GRIA1: variants seen among roughly 807,000 people sequenced by gnomAD.
GRIA1 encodes the protein glutamate receptor 1.
A neutral mutation model predicts 99.2 loss-of-function variants in GRIA1; 31 were observed. The ratio of observed to expected loss-of-function variants is 0.31; its 90% CI spans 0.23 to 0.42. GRIA1 has a LOEUF of 0.42. GRIA1 is among the 10% of genes least tolerant of loss of function. GRIA1 has a pLI of 1.00. For synonymous variants in GRIA1, 438 were observed against 432.4 expected, an observed-to-expected ratio of 1.01 and a Z score of -0.16; for missense variants, 782 against 1,157.5, an observed-to-expected ratio of 0.68 and a Z score of 4.71.
intron 2 of GRIA1, among the ~76,000 whole-genome samples, chr5:153,495,394 C>G (rs943722750): frequency 6.6e-6 from 1 of 152,086 alleles, no homozygotes; most frequent in Admixed American, 6.6e-5. Flanking sequence ...ATATAACTTG[C>G]CCAAGGTTAC....
At chr5:153,703,251 T>A (rs1453901588) in intron 10 of GRIA1, among the ~76,000 whole-genome samples, 2 of 152,206 alleles carry the variant, frequency 1.3e-5, no homozygotes, top group African/African-American at 4.8e-5. Context: ...GAATGACCCA[T>A]GGCCAAATAG....
At chr5:153,676,911 A>T in intron 6 of GRIA1, 83 bp from the exon 7 acceptor site, 1 of 1,174,670 alleles carries the variant, frequency 8.5e-7, no homozygotes, top group East Asian at 2.8e-5. Context: ...CATCACCAGA[A>T]AACACATTCC....
chr5:153,519,717 AC>A (rs1756963809), intron 2 of GRIA1, among the ~76,000 whole-genome samples: 1 of 152,180 alleles, frequency 6.6e-6, no homozygotes, highest in Non-Finnish European at 1.5e-5. Context: ...ACAGTCCTAG[AC>A]AAGGAAACAT....
At chr5:153,691,601 A>G (rs942278016) in intron 8 of GRIA1, among the ~76,000 whole-genome samples, 1 of 152,236 alleles carries the variant, frequency 6.6e-6, no homozygotes, top group Admixed American at 6.5e-5. Flanking sequence ...GTCCCAAAGA[A>G]TTTATAGCTT....
intron 2 of GRIA1, among the ~76,000 whole-genome samples, chr5:153,506,387 A>G (rs1755508384): frequency 6.6e-6 from 1 of 151,120 alleles, no homozygotes; most frequent in South Asian, 2.1e-4. Flanking sequence ...TCTTTCACAG[A>G]GGAGGAAAAT....
chr5:153,685,714 C>G (rs1383274253), intron 7 of GRIA1, among the ~76,000 whole-genome samples: 1 of 152,184 alleles, frequency 6.6e-6, no homozygotes, highest in Non-Finnish European at 1.5e-5. Context: ...ATTCCCTGGA[C>G]TCAGGAATAA....
At chr5:153,736,013 C>T (rs1219683649) in intron 11 of GRIA1, among the ~76,000 whole-genome samples, 1 of 152,114 alleles carries the variant, frequency 6.6e-6, no homozygotes, top group East Asian at 1.9e-4. Flanking sequence ...GACTGGACTT[C>T]AGTATTTTAG....
chr5:153,687,504 T>G (rs572242151), intron 8 of GRIA1, among the ~76,000 whole-genome samples: 1 of 152,202 alleles, frequency 6.6e-6, no homozygotes, highest in South Asian at 2.1e-4. Flanking sequence ...TCAGACTTAA[T>G]GCTCTCTATG....
intron 12 of GRIA1, 94 bp downstream of exon 12, chr5:153,764,726 C>CT: frequency 1.1e-6 from 1 of 888,774 alleles, no homozygotes; most frequent in Non-Finnish European, 1.8e-6. Context: ...AGATAACAGG[C>CT]AGCCAGAGCA....
chr5:153,587,425 C>T (rs781329456), intron 2 of GRIA1, among the ~76,000 whole-genome samples: 1 of 152,150 alleles, frequency 6.6e-6, no homozygotes, highest in Non-Finnish European at 1.5e-5. Context: ...AATAAATTAT[C>T]CAGTCTCAGG....
At chr5:153,615,694 G>A (rs1766432461) in intron 2 of GRIA1, among the ~76,000 whole-genome samples, 1 of 152,130 alleles carries the variant, frequency 6.6e-6, no homozygotes, top group Admixed American at 6.6e-5. Flanking sequence ...ACCATCACTG[G>A]GGAGTTGCTT....
intron 2 of GRIA1, among the ~76,000 whole-genome samples, chr5:153,574,152 G>A (rs1762345876): frequency 6.6e-6 from 1 of 152,192 alleles, no homozygotes; most frequent in South Asian, 2.1e-4. Context: ...ATGATTTAGA[G>A]TCAGTTGTTT....
chr5:153,657,606 C>CA (rs1755049074), intron 5 of GRIA1, among the ~76,000 whole-genome samples: 3 of 152,184 alleles, frequency 2.0e-5, no homozygotes. Context: ...AAATAAGGCA[C>CA]AGGGTGCATG....
intron 15 of GRIA1, among the ~76,000 whole-genome samples, chr5:153,809,152 A>G (rs1255830501): frequency 2.6e-5 from 4 of 152,264 alleles, no homozygotes; most frequent in African/African-American, 4.8e-5. Flanking sequence ...AGAAGTTTCC[A>G]TATTTCCCAC....
intron 2 of GRIA1, among the ~76,000 whole-genome samples, chr5:153,506,683 A>C (rs1581145053): frequency 6.6e-6 from 1 of 152,268 alleles, no homozygotes; most frequent in East Asian, 1.9e-4. Flanking sequence ...CACTCCAGAC[A>C]CTGAAAAGCA....
chr5:153,688,580 G>A (rs529466698), intron 8 of GRIA1, among the ~76,000 whole-genome samples: 8 of 152,282 alleles, frequency 5.3e-5, no homozygotes, highest in African/African-American at 1.7e-4. Flanking sequence ...TGAAGAGTTA[G>A]CACACGGCTG....
intron 5 of GRIA1, among the ~76,000 whole-genome samples, chr5:153,669,674 AAAGAT>A (rs1756008062): frequency 6.6e-6 from 1 of 152,238 alleles, no homozygotes; most frequent in Admixed American, 6.5e-5. Context: ...GTATAAAGTA[AAAGAT>A]AAATGCCCAT....
intron 2 of GRIA1, among the ~76,000 whole-genome samples, chr5:153,630,319 C>T (rs976564660): frequency 1.3e-5 from 2 of 152,070 alleles, no homozygotes; most frequent in African/African-American, 4.8e-5. Flanking sequence ...TCTCCAGATC[C>T]TCAATGATCC....
chr5:153,492,291 T>C (rs774208197), intron 1 of GRIA1: 1 of 1,535,434 alleles, frequency 6.5e-7, no homozygotes. Flanking sequence ...TGACACCTGT[T>C]AAGCTACATC....
Sources: gnomAD v4.1 joint callset for allele counts (sites outside exome capture counted in the v4.1 genomes callset) on GRCh38, gnomAD v4.1.1 for gene constraint, MANE v1.5 for transcripts, NCBI Gene and HGNC (gene_info 2026-07-23, HGNC 2026-07-21) for gene names.